Variants in PAH observed in about 807,000 individuals in gnomAD.
The protein encoded by PAH is phenylalanine hydroxylase.
In PAH, 64 loss-of-function variants were observed where a neutral mutation model predicts 62.0. That is an observed-to-expected ratio of 1.03 (90% CI 0.84 to 1.27). The LOEUF is 1.27. Ranked by LOEUF, PAH falls within the 50% of genes most tolerant of loss-of-function variation. The pLI is 0.00. For synonymous variants in PAH, 195 were observed against 196.2 expected (o/e 0.99, Z 0.05); for missense variants, 579 against 542.8 (o/e 1.07, Z -0.66).
At chr12:102,895,869 A>AAAATAT (rs953209518) in intron 2 of PAH, among the ~76,000 whole-genome samples, 28 of 118,706 alleles carry the variant, frequency 2.4e-4, no homozygotes, top group Middle Eastern at 4.2e-3. Flanking sequence ...AAAAAAAAAA[A>AAAATAT]ATATATATAT....
In PAH at chr12:102,955,878, G is replaced by T. The variant is rs1879895910; in HGVS notation, c.-96+2317C>A. ...AGAAGGGGCTGTGTGGCTGGGAAAG[G>T]TTACAGAATTGACCTCTGTTGGCAC... On this transcript the variant is annotated intron_variant, in intron 1 of 4. Transcript: ENST00000551337. Among the ~76,000 whole-genome samples the T allele has an allele frequency of 5.9e-5, 9 of 152,298 alleles. No individual in the cohort carries two copies. In the South Asian group the frequency reaches 1.9e-3, roughly 32 times the overall value.
chr12:102,914,506 C>T (rs1878313062), intron 1 of PAH: 1 of 152,448 alleles, frequency 6.6e-6, no homozygotes, highest in South Asian at 2.1e-4. Context: ...GTCATTTGAT[C>T]TCTGCATACT....
intron 1 of PAH, 58 bp from the exon 2 acceptor site, chr12:102,912,956 G>T: frequency 8.7e-7 from 1 of 1,153,448 alleles, no homozygotes; most frequent in Non-Finnish European, 1.3e-6. Flanking sequence ...ATTCATTCCT[G>T]TTAAACCTCC....
chr12:102,879,998 C>A (rs968207648), intron 3 of PAH, among the ~76,000 whole-genome samples: 2 of 152,198 alleles, frequency 1.3e-5, no homozygotes, highest in African/African-American at 4.8e-5. Context: ...TATGCTACCC[C>A]CTTCAATTTC....
intron 5 of PAH, among the ~76,000 whole-genome samples, chr12:102,857,232 T>C (rs1176301328): frequency 2.6e-5 from 4 of 152,194 alleles, no homozygotes; most frequent in African/African-American, 7.2e-5. Context: ...GTATCAGTGA[T>C]TGAAGATCAA....
chr12:102,897,928 A>T (rs1877580042), intron 2 of PAH, among the ~76,000 whole-genome samples: 1 of 152,214 alleles, frequency 6.6e-6, no homozygotes, highest in East Asian at 1.9e-4. Context: ...ACTGGAGCTC[A>T]TCTGTAATTA....
At chr12:102,864,895 G>GT in intron 5 of PAH, among the ~76,000 whole-genome samples, 1 of 151,676 alleles carries the variant, frequency 6.6e-6, no homozygotes, top group South Asian at 2.1e-4. Flanking sequence ...AGCACCGAAA[G>GT]CTTAAATGAG....
chr12:102,889,569 T>TAGATAGAC (rs1565864427), intron 3 of PAH, among the ~76,000 whole-genome samples: 11 of 152,148 alleles, frequency 7.2e-5, no homozygotes, highest in African/African-American at 2.7e-4. Context: ...GATAGATAGA[T>TAGATAGAC]AGACAGGCAG....
At chr12:102,930,957 T>A (rs368767091) in intron 1 of PAH, among the ~76,000 whole-genome samples, 1 of 152,124 alleles carries the variant, frequency 6.6e-6, no homozygotes, top group Non-Finnish European at 1.5e-5. Context: ...ATTTCAATCA[T>A]GTTATAGAAA....
intron 1 of PAH, among the ~76,000 whole-genome samples, chr12:102,956,843 C>T (rs1487261883): frequency 4.6e-5 from 7 of 151,980 alleles, no homozygotes; most frequent in Non-Finnish European, 1.0e-4. Flanking sequence ...TTCCCCGCGG[C>T]CCCCCACACA....
chr12:102,841,439 C>T (rs368808798), intron 11 of PAH, among the ~76,000 whole-genome samples: 6 of 152,146 alleles, frequency 3.9e-5, no homozygotes, highest in African/African-American at 7.2e-5. Flanking sequence ...AGTCAAGCTG[C>T]CTGGGCTGAA....
At chr12:102,936,249 C>T (rs1030695504) in intron 1 of PAH, among the ~76,000 whole-genome samples, 1 of 152,046 alleles carries the variant, frequency 6.6e-6, no homozygotes, top group African/African-American at 2.4e-5. Context: ...AGAGAAGATA[C>T]TTAATATAAT....
chr12:102,889,481 GTAGA>G (rs1443181719), intron 3 of PAH, among the ~76,000 whole-genome samples: 2 of 151,288 alleles, frequency 1.3e-5, no homozygotes, highest in East Asian at 3.9e-4. Flanking sequence ...AGATAGATAG[GTAGA>G]TAGATGATAG....
chr12:102,935,291 T>A (rs1879061021), intron 1 of PAH, among the ~76,000 whole-genome samples: 1 of 152,052 alleles, frequency 6.6e-6, no homozygotes, highest in Non-Finnish European at 1.5e-5. Flanking sequence ...ATTGAATTTC[T>A]TTTGCTAGTA....
intron 4 of PAH, among the ~76,000 whole-genome samples, chr12:102,871,772 A>G (rs1392534665): frequency 6.6e-6 from 1 of 151,866 alleles, no homozygotes; most frequent in Non-Finnish European, 1.5e-5. Context: ...AAAATACAAA[A>G]TTAGTCAGGC....
intron 2 of PAH, among the ~76,000 whole-genome samples, chr12:102,897,215 T>G (rs1461107902): frequency 6.6e-6 from 1 of 152,100 alleles, no homozygotes; most frequent in African/African-American, 2.4e-5. Flanking sequence ...GGATCCATGT[T>G]TCTCACCTGT....
At chr12:102,886,500 C>T (rs558341507) in intron 3 of PAH, among the ~76,000 whole-genome samples, 90 of 152,206 alleles carry the variant, frequency 5.9e-4, no homozygotes, top group African/African-American at 2.1e-3. Flanking sequence ...CCCCATATCC[C>T]CAAATATCTA....
In PAH at chr12:102,837,215, A is replaced by G. The variant is rs1196822170; in HGVS notation, c.*1960T>C. 6.6e-6 allele frequency: 1 copy of G among 152,228 alleles called. No individual in the cohort carries two copies. Among genetic ancestry groups the G allele is most frequent in the Admixed American group, 6.5e-5 (1 of 15,274 alleles). The allele number at this position is 152,228 out of a possible 1,614,324, so 9.4% of individuals were successfully genotyped here. On this transcript the variant is annotated 3_prime_UTR_variant, in exon 13 of 13. Coordinates refer to ENST00000553106, the MANE Select transcript of PAH (RefSeq NM_000277.3). ...AAAAAAGAGCTAAGAACTGAGTAGC[A>G]CATTACCAAAAATACAAATATTATC...
intron 2 of PAH, among the ~76,000 whole-genome samples, chr12:102,903,528 G>C (rs775290504): frequency 3.9e-5 from 6 of 152,104 alleles, no homozygotes; most frequent in Admixed American, 6.5e-5. Flanking sequence ...ATGATCACTG[G>C]GTATCTGATG....
Sources: gnomAD v4.1 joint callset for allele counts (sites outside exome capture counted in the v4.1 genomes callset) on GRCh38, gnomAD v4.1.1 for gene constraint, MANE v1.5 for transcripts, NCBI Gene and HGNC (gene_info 2026-07-23, HGNC 2026-07-21) for gene names.